The following GUCY1A2 variants were observed in gnomAD, a reference collection of about 807,000 sequenced individuals.
GUCY1A2 encodes the protein guanylate cyclase soluble subunit alpha-2.
In GUCY1A2, 27 loss-of-function variants were observed where a neutral mutation model predicts 63.5. The ratio of observed to expected loss-of-function variants is 0.43; its 90% CI spans 0.31 to 0.59. The LOEUF is 0.59. Among genes scored for constraint, GUCY1A2 ranks in the 20% least tolerant of loss-of-function variants. The pLI is 0.11. For missense variants in GUCY1A2, 768 were observed against 913.3 expected, an observed-to-expected ratio of 0.84 and a Z score of 2.05; for synonymous variants, 364 against 343.5, an observed-to-expected ratio of 1.06 and a Z score of -0.66.
At chr11:106,945,184 G>A (rs1478810240) in intron 3 of GUCY1A2, among the ~76,000 whole-genome samples, 1 of 149,786 alleles carries the variant, frequency 6.7e-6, no homozygotes, top group African/African-American at 2.5e-5. Context: ...AGATAAAGAA[G>A]ATCTTTTAAG....
chr11:106,988,095 A>G (rs544646615), intron 1 of GUCY1A2, among the ~76,000 whole-genome samples: 3 of 152,358 alleles, frequency 2.0e-5, no homozygotes, highest in African/African-American at 7.2e-5. Flanking sequence ...AGTAAATGGT[A>G]TGCACCTAGG....
At chr11:106,821,690 GAA>G (rs1858905518) in intron 4 of GUCY1A2, among the ~76,000 whole-genome samples, 1 of 151,900 alleles carries the variant, frequency 6.6e-6, no homozygotes, top group South Asian at 2.1e-4. Flanking sequence ...AGGAATGAAC[GAA>G]ACCTCCTCAG....
intron 5 of GUCY1A2, among the ~76,000 whole-genome samples, chr11:106,806,614 T>G (rs1421251896): frequency 1.3e-5 from 2 of 152,186 alleles, no homozygotes; most frequent in African/African-American, 2.4e-5. Context: ...ATATTACGTA[T>G]GTTGTTTATG....
At chr11:106,906,974 T>C (rs1396628895) in intron 4 of GUCY1A2, among the ~76,000 whole-genome samples, 1 of 152,010 alleles carries the variant, frequency 6.6e-6, no homozygotes, top group Non-Finnish European at 1.5e-5. Flanking sequence ...TTAGGAGAAA[T>C]ACTTAATATA....
intron 4 of GUCY1A2, among the ~76,000 whole-genome samples, chr11:106,848,674 T>C (rs1204948411): frequency 6.6e-6 from 1 of 151,636 alleles, no homozygotes; most frequent in Non-Finnish European, 1.5e-5. Context: ...ATTTGTACAC[T>C]GGCTTTGAGA....
intron 6 of GUCY1A2, among the ~76,000 whole-genome samples, chr11:106,710,639 G>C (rs1388629874): frequency 6.6e-6 from 1 of 151,618 alleles, no homozygotes; most frequent in Non-Finnish European, 1.5e-5. Flanking sequence ...TTTACTCTCT[G>C]ATTAGTCTGT....
intron 3 of GUCY1A2, among the ~76,000 whole-genome samples, chr11:106,950,110 T>C (rs1168290958): frequency 1.3e-5 from 2 of 152,230 alleles, no homozygotes; most frequent in African/African-American, 2.4e-5. Context: ...TGCTTATTGT[T>C]TGACAAATTC....
rs1227558678 is a variant in GUCY1A2 at position 106,678,161 on chromosome 11, A to T, written c.*9388T>A. The T allele has an allele frequency of 5.1e-6, 1 of 196,650 alleles. No homozygotes were observed. Among genetic ancestry groups the T allele is most frequent in the Non-Finnish European group, 1.1e-5 (1 of 94,782 alleles). The allele number at this position is 196,650 out of a possible 1,614,324, so 12.2% of individuals were successfully genotyped here. On this transcript the variant is annotated 3_prime_UTR_variant, in exon 8 of 8. Transcript: ENST00000526355. Reference sequence around the variant, plus strand: ...CCTGAATTACTTTAGATAATTATACAGTCCTCTAGTTTATCTAGACCTTCT... The same window carrying T: ...CCTGAATTACTTTAGATAATTATACTGTCCTCTAGTTTATCTAGACCTTCT...
At chr11:106,776,865 G>A (rs1382964039) in intron 5 of GUCY1A2, among the ~76,000 whole-genome samples, 1 of 152,166 alleles carries the variant, frequency 6.6e-6, no homozygotes, top group Non-Finnish European at 1.5e-5. Flanking sequence ...AAACAGGACT[G>A]TCAGTATTTT....
At chr11:106,940,201 T>C (rs767814354) in intron 3 of GUCY1A2, 23 bp from the exon 4 acceptor site, 33 of 1,082,470 alleles carry the variant, frequency 3.0e-5, no homozygotes, top group Middle Eastern at 2.1e-4. Flanking sequence ...GGGAAGCAAA[T>C]GTTAGTGAAG....
chr11:106,688,065 C>T (rs1289327389), intron 7 of GUCY1A2, among the ~76,000 whole-genome samples: 1 of 152,132 alleles, frequency 6.6e-6, no homozygotes, highest in Non-Finnish European at 1.5e-5. Flanking sequence ...TTATTGTTTT[C>T]CCTAAACAAA....
At chr11:106,983,904 G>A (rs1286475297) in intron 2 of GUCY1A2, among the ~76,000 whole-genome samples, 1 of 152,158 alleles carries the variant, frequency 6.6e-6, no homozygotes, top group East Asian at 1.9e-4. Flanking sequence ...GAGATAGGAA[G>A]CCTTAAATTG....
At chr11:106,826,699 A>G (rs1485377620) in intron 4 of GUCY1A2, 11 of 1,609,752 alleles carry the variant, frequency 6.8e-6, no homozygotes, top group Non-Finnish European at 9.3e-6. Flanking sequence ...ATCCATGTCA[A>G]TAGAGTCTCC....
intron 6 of GUCY1A2, among the ~76,000 whole-genome samples, chr11:106,709,314 T>A (rs548963342): frequency 2.6e-5 from 2 of 76,588 alleles, no homozygotes; most frequent in Admixed American, 2.1e-4. Context: ...TATTTATATA[T>A]ATTTATATAT....
intron 1 of GUCY1A2, among the ~76,000 whole-genome samples, chr11:106,993,100 A>G (rs1029588891): frequency 1.3e-5 from 2 of 152,202 alleles, no homozygotes; most frequent in African/African-American, 2.4e-5. Context: ...GGTGTGAATG[A>G]GCTTCTCTAC....
chr11:106,781,129 A>AAAAG (rs1864455325), intron 5 of GUCY1A2, among the ~76,000 whole-genome samples: 1 of 145,382 alleles, frequency 6.9e-6, no homozygotes. Flanking sequence ...AAAAAAAAAA[A>AAAAG]AAAAGAAAAA....
chr11:106,873,562 G>A (rs1462624636), intron 4 of GUCY1A2, among the ~76,000 whole-genome samples: 2 of 152,122 alleles, frequency 1.3e-5, no homozygotes, highest in Non-Finnish European at 2.9e-5. Context: ...CCACGTACAT[G>A]TCTTTTTTTG....
At chr11:106,805,639 T>A (rs1200958607) in intron 5 of GUCY1A2, among the ~76,000 whole-genome samples, 1 of 152,200 alleles carries the variant, frequency 6.6e-6, no homozygotes, top group South Asian at 2.1e-4. Context: ...ATACCTCTTA[T>A]TGCCTGCACC....
chr11:106,812,669 A>C (rs1858778329), intron 4 of GUCY1A2, among the ~76,000 whole-genome samples: 1 of 148,090 alleles, frequency 6.8e-6, no homozygotes, highest in South Asian at 2.3e-4. Context: ...TTAAATATTA[A>C]TTTATAAAAA....
Sources: gnomAD v4.1 joint callset for allele counts (sites outside exome capture counted in the v4.1 genomes callset) on GRCh38, gnomAD v4.1.1 for gene constraint, MANE v1.5 for transcripts, NCBI Gene and HGNC (gene_info 2026-07-23, HGNC 2026-07-21) for gene names.